The following CCDC144A variants were observed in gnomAD, a reference collection of about 807,000 sequenced individuals.
CCDC144A encodes the protein coiled-coil domain containing 144A, also known as coiled-coil domain-containing protein 144A.
CCDC144A carries 41 observed loss-of-function variants against 143.8 expected under a neutral mutation model. The observed-to-expected ratio is 0.29, with a 90% CI of 0.22 to 0.37. CCDC144A has a LOEUF of 0.37. Among genes scored for constraint, CCDC144A ranks in the 10% least tolerant of loss-of-function variants. The pLI, the probability that CCDC144A is intolerant of heterozygous loss-of-function variation, is 1.00. For synonymous variants in CCDC144A, 242 were observed against 517.9 expected, an observed-to-expected ratio of 0.47 and a Z score of 7.23; for missense variants, 637 against 1,488.8, an observed-to-expected ratio of 0.43 and a Z score of 9.41.
intron 6 of CCDC144A, among the ~76,000 whole-genome samples, chr17:16,717,625 T>C (rs545189782): frequency 2.5e-4 from 38 of 152,338 alleles, no homozygotes; most frequent in African/African-American, 8.9e-4. Flanking sequence ...TGCTAAAATA[T>C]AACTTTCCAT....
chr17:16,690,420 A>G lies in CCDC144A; in HGVS notation c.20A>G (p.Glu7Gly), dbSNP rs1910979679. Residue 7 changes from glutamate (E) to glycine (G), a missense_variant, in exon 1 of 17, where the codon GAA (glutamate) becomes GGA (glycine). Transcript: ENST00000399273. ...CTACTGATGGCCTCCTGGGGTGGAG[A>G]AAAGCGGGGAGGGGCTGAGGGGTCT... The part of the protein sequence containing the change: MASWGG[E>G]KRGGAEGSPK... 6.3e-7 allele frequency: 1 copy of G among 1,578,278 alleles called. No homozygotes were observed. The highest frequency in any genetic ancestry group is 1.4e-5 in the African/African-American group (1 of 73,548).
the CCDC144A span, among the ~76,000 whole-genome samples, chr17:16,672,942 T>C: frequency 2.0e-5 from 3 of 152,116 alleles, no homozygotes; most frequent in African/African-American, 4.8e-5. Context: ...ATGATAGAGA[T>C]ATAGATAGAT....
intron 5 of CCDC144A, 138 bp from the exon 6 acceptor site, chr17:16,711,536 TTAAAG>T (rs1912444903): frequency 9.8e-7 from 1 of 1,021,602 alleles, no homozygotes; most frequent in African/African-American, 1.6e-5. Context: ...TGTGATAAAA[TTAAAG>T]TAAGCACCAA....
chr17:16,728,508 A>C (rs1913544510), intron 9 of CCDC144A, among the ~76,000 whole-genome samples: 1 of 152,224 alleles, frequency 6.6e-6, no homozygotes, highest in Admixed American at 6.5e-5. Flanking sequence ...AGTTCAAGCA[A>C]CAGAGCATGA....
the CCDC144A span, chr17:16,683,870 T>TTCG: frequency 7.2e-7 from 1 of 1,383,092 alleles, no homozygotes; most frequent in South Asian, 1.2e-5. Context: ...CATGGGAGAC[T>TTCG]TCGTCGTCGT....
chr17:16,738,745 T>G (rs1412474670), intron 12 of CCDC144A, among the ~76,000 whole-genome samples: 1 of 152,154 alleles, frequency 6.6e-6, no homozygotes, highest in African/African-American at 2.4e-5. Flanking sequence ...ATCATGCTGC[T>G]GTGAACTTTT....
chr17:16,724,807 T>A, intron 8 of CCDC144A, among the ~76,000 whole-genome samples: 1 of 116,728 alleles, frequency 8.6e-6, no homozygotes. Flanking sequence ...TTTTTTTTTT[T>A]TTTTTTTTTT....
At chr17:16,704,212 T>C (rs886416189) in intron 2 of CCDC144A, among the ~76,000 whole-genome samples, 8 of 152,142 alleles carry the variant, frequency 5.3e-5, no homozygotes, top group Non-Finnish European at 1.2e-4. Context: ...CCCAGCACTT[T>C]GGGAGGCCAA....
chr17:16,684,472 G>A, the CCDC144A span, among the ~76,000 whole-genome samples: 582 of 152,152 alleles, frequency 3.8e-3, 6 homozygotes, highest in African/African-American at 0.013. Context: ...TGGCCAGTAT[G>A]GTGAAGCCCC....
In CCDC144A at chr17:16,774,795, C is replaced by T. The variant is rs1328812967; in HGVS notation, c.*1162C>T. ...CATGGTGGTTTGCTGCACAGATCAT[C>T]CCATCACCTAGGTATTAATAATAGC... On this transcript the variant is annotated 3_prime_UTR_variant, in exon 17 of 17. Coordinates refer to ENST00000399273, the MANE Select transcript of CCDC144A (RefSeq NM_001382000.1). 6.7e-6 allele frequency: 1 copy of T among 148,666 alleles called. No individual in the cohort carries two copies. The allele number at this position is 148,666 out of a possible 1,614,324, so 9.2% of individuals were successfully genotyped here. A position where few individuals can be genotyped will look rare whatever the true frequency, so the allele number is the denominator to read the frequency against.
At chr17:16,713,884 C>G (rs1417354074) in intron 6 of CCDC144A, among the ~76,000 whole-genome samples, 2 of 152,184 alleles carry the variant, frequency 1.3e-5, no homozygotes, top group African/African-American at 4.8e-5. Flanking sequence ...GGTATATACT[C>G]ATGGATTCAG....
Position 16,720,659 on chromosome 17 carries a change from G to T in CCDC144A, c.1891+1G>T. Reference sequence around the variant, plus strand: ...GAACAACTTAGAATGGAGTATAAAGGTAGGACCACTGCATAAATGCAAGGC... The same window carrying T: ...GAACAACTTAGAATGGAGTATAAAGTTAGGACCACTGCATAAATGCAAGGC... On this transcript the variant is annotated splice_donor_variant, in intron 8 of 16. Transcript: ENST00000399273. LOFTEE classifies it high-confidence loss of function. 6.6e-7 allele frequency: 1 copy of T among 1,515,280 alleles called. No homozygotes were observed. Among genetic ancestry groups the T allele is most frequent in the East Asian group, 2.3e-5 (1 of 44,310 alleles). 93.9% of individuals were successfully genotyped at this position (1,515,280 alleles called of 1,614,324 possible).
chr17:16,750,130 C>A (rs1914721750), intron 12 of CCDC144A, among the ~76,000 whole-genome samples: 1 of 152,070 alleles, frequency 6.6e-6, no homozygotes, highest in Non-Finnish European at 1.5e-5. Context: ...TTGGTTCTGC[C>A]ATGATGTTTT....
At chr17:16,688,179 A>G (rs1159821189), upstream of CCDC144A, among the ~76,000 whole-genome samples, 1 of 152,036 alleles carries the variant, frequency 6.6e-6, no homozygotes, top group Non-Finnish European at 1.5e-5. Flanking sequence ...CTTCATGCAT[A>G]TATCCTTGTC....
At chr17:16,729,547 A>G (rs1177511948) in intron 9 of CCDC144A, among the ~76,000 whole-genome samples, 1 of 152,098 alleles carries the variant, frequency 6.6e-6, no homozygotes, top group Non-Finnish European at 1.5e-5. Flanking sequence ...TTTGCTGTGC[A>G]GAAGCCTTTT....
intron 6 of CCDC144A, among the ~76,000 whole-genome samples, chr17:16,716,135 C>G (rs575759892): frequency 6.6e-6 from 1 of 151,920 alleles, no homozygotes; most frequent in South Asian, 2.1e-4. Flanking sequence ...AAGTGTGGGT[C>G]AAGAGGAATT....
chr17:16,739,800 G>A (rs1040578780), intron 12 of CCDC144A, among the ~76,000 whole-genome samples: 54 of 151,806 alleles, frequency 3.6e-4, no homozygotes, highest in Non-Finnish European at 5.7e-4. Flanking sequence ...CACATTTTAG[G>A]AAAATTCATT....
chr17:16,720,763 C>A, intron 8 of CCDC144A, 105 bp downstream of exon 8: 2 of 1,544,720 alleles, frequency 1.3e-6, no homozygotes, highest in Non-Finnish European at 1.7e-6. Context: ...CTCAGAAATA[C>A]GCTCAGTGTT....
intron 15 of CCDC144A, chr17:16,766,929 T>G (rs1395859168): frequency 6.6e-6 from 1 of 152,144 alleles, no homozygotes; most frequent in Admixed American, 6.5e-5. Flanking sequence ...AAGGCATACC[T>G]AGTTTCCTTG....
Sources: gnomAD v4.1 joint callset for allele counts (sites outside exome capture counted in the v4.1 genomes callset) on GRCh38, gnomAD v4.1.1 for gene constraint, MANE v1.5 for transcripts, NCBI Gene and HGNC (gene_info 2026-07-23, HGNC 2026-07-21) for gene names.